The following PLCB1 variants were observed in gnomAD, a reference collection of about 807,000 sequenced individuals.
PLCB1 encodes the protein 1-phosphatidylinositol 4,5-bisphosphate phosphodiesterase beta-1.
Under a neutral mutation model 161.8 loss-of-function variants are expected in PLCB1, and 46 were observed. The ratio of observed to expected loss-of-function variants is 0.28; its 90% CI spans 0.22 to 0.36. PLCB1 has a LOEUF of 0.36. Among genes scored for constraint, PLCB1 ranks in the 10% least tolerant of loss-of-function variants. PLCB1 has a pLI of 1.00. For synonymous variants in PLCB1, 517 were observed against 503.7 expected (o/e 1.03, Z -0.35); for missense variants, 1,016 against 1,472.5 (o/e 0.69, Z 5.07).
chr20:8,341,142 C>A (rs779429863), intron 2 of PLCB1, among the ~76,000 whole-genome samples: 12 of 152,178 alleles, frequency 7.9e-5, no homozygotes, highest in Non-Finnish European at 1.2e-4. Context: ...CTTCCCCATG[C>A]CTTCACTCAC....
chr20:8,551,846 CT>C (rs1985786462), intron 3 of PLCB1, among the ~76,000 whole-genome samples: 1 of 152,102 alleles, frequency 6.6e-6, no homozygotes, highest in Non-Finnish European at 1.5e-5. Flanking sequence ...GAACTCTTGT[CT>C]CAGGCTTAAA....
intron 2 of PLCB1, among the ~76,000 whole-genome samples, chr20:8,186,640 C>A (rs995433723): frequency 6.6e-6 from 1 of 152,064 alleles, no homozygotes; most frequent in African/African-American, 2.4e-5. Context: ...CTCTATTTGC[C>A]TGTGATAAGT....
chr20:8,272,867 A>G (rs574045445), intron 2 of PLCB1, among the ~76,000 whole-genome samples: 13 of 152,274 alleles, frequency 8.5e-5, no homozygotes, highest in South Asian at 2.1e-4. Context: ...CAATCATGCA[A>G]TCATACAATC....
Position 8,882,031 on chromosome 20 carries a change from A to G in PLCB1, c.*182A>G, listed in dbSNP as rs1451787764. 3 of 590,618 alleles carry G rather than the reference A, an allele frequency of 5.1e-6. No homozygotes were observed. The highest frequency in any genetic ancestry group is 9.0e-6 in the Non-Finnish European group (3 of 332,774). The allele number at this position is 590,618 out of a possible 1,614,324, so 36.6% of individuals were successfully genotyped here. ...TTCCCATGCCCAGGCTCCATGTGTC[A>G]TGTGGAAACCTCCACAGGTCTGCTA... On this transcript the variant is annotated 3_prime_UTR_variant, in exon 32 of 32. Coordinates refer to ENST00000338037, the MANE Select transcript of PLCB1 (RefSeq NM_015192.4).
chr20:8,868,991 G>A (rs1363651149), intron 31 of PLCB1, among the ~76,000 whole-genome samples: 1 of 152,138 alleles, frequency 6.6e-6, no homozygotes, highest in Admixed American at 6.5e-5. Context: ...TTGGATGGTA[G>A]GCTTTAGTCT....
chr20:8,589,798 G>A (rs1242861951), intron 3 of PLCB1, among the ~76,000 whole-genome samples: 3 of 151,310 alleles, frequency 2.0e-5, no homozygotes, highest in Non-Finnish European at 4.4e-5. Context: ...TAATTTTTTT[G>A]TAAGGATGAG....
chr20:8,313,903 A>C (rs543655860), intron 2 of PLCB1, among the ~76,000 whole-genome samples: 1 of 152,266 alleles, frequency 6.6e-6, no homozygotes, highest in South Asian at 2.1e-4. Flanking sequence ...CTTTATAGTC[A>C]TGATTATTTT....
intron 26 of PLCB1, among the ~76,000 whole-genome samples, chr20:8,772,669 A>G (rs1259336625): frequency 6.6e-6 from 1 of 152,214 alleles, no homozygotes; most frequent in Non-Finnish European, 1.5e-5. Context: ...GCGGTGGCTC[A>G]TGCCTGTAAT....
intron 2 of PLCB1, among the ~76,000 whole-genome samples, chr20:8,155,760 A>T (rs1033953076): frequency 1.3e-5 from 2 of 152,220 alleles, no homozygotes; most frequent in Admixed American, 1.3e-4. Flanking sequence ...TCAAGAGTCC[A>T]CTGAGTGATT....
chr20:8,786,773 G>A (rs1203684108), intron 27 of PLCB1, among the ~76,000 whole-genome samples: 3 of 149,956 alleles, frequency 2.0e-5, no homozygotes, highest in African/African-American at 7.4e-5. Context: ...GTGCAATCTC[G>A]GCTCACTGCA....
intron 3 of PLCB1, among the ~76,000 whole-genome samples, chr20:8,498,120 A>G (rs1176963631): frequency 6.6e-6 from 1 of 152,154 alleles, no homozygotes; most frequent in Non-Finnish European, 1.5e-5. Flanking sequence ...TCTTTTTGAG[A>G]TAGAGTCTTG....
At chr20:8,237,134 T>G (rs1980368109) in intron 2 of PLCB1, among the ~76,000 whole-genome samples, 1 of 152,034 alleles carries the variant, frequency 6.6e-6, no homozygotes, top group Admixed American at 6.6e-5. Context: ...TCTAAGGAAA[T>G]TATAATGAAA....
At chr20:8,687,091 T>C (rs1271573105) in intron 10 of PLCB1, among the ~76,000 whole-genome samples, 2 of 152,004 alleles carry the variant, frequency 1.3e-5, no homozygotes, top group African/African-American at 4.8e-5. Context: ...AGTGGCATGA[T>C]GATAGCTCAC....
chr20:8,676,681 T>C (rs1990085120), intron 9 of PLCB1, among the ~76,000 whole-genome samples: 1 of 150,070 alleles, frequency 6.7e-6, no homozygotes, highest in East Asian at 2.0e-4. Context: ...TCTGCAGTGA[T>C]GCCTTACCAA....
intron 2 of PLCB1, among the ~76,000 whole-genome samples, chr20:8,237,941 A>G (rs1980410893): frequency 6.6e-6 from 1 of 152,162 alleles, no homozygotes; most frequent in Non-Finnish European, 1.5e-5. Context: ...GATTTAAGAT[A>G]TACAAGTTAA....
intron 3 of PLCB1, among the ~76,000 whole-genome samples, chr20:8,596,092 G>A (rs1245381041): frequency 5.9e-5 from 9 of 151,926 alleles, no homozygotes; most frequent in Admixed American, 1.3e-4. Flanking sequence ...CTGTGCAGAA[G>A]CTCTTTAGTT....
At chr20:8,243,455 G>C (rs1178937231) in intron 2 of PLCB1, among the ~76,000 whole-genome samples, 2 of 151,930 alleles carry the variant, frequency 1.3e-5, no homozygotes, top group Non-Finnish European at 2.9e-5. Flanking sequence ...TTCTTTTTGA[G>C]ACCCTGCCAG....
chr20:8,158,248 C>A (rs2051583718), intron 2 of PLCB1, among the ~76,000 whole-genome samples: 1 of 152,124 alleles, frequency 6.6e-6, no homozygotes, highest in South Asian at 2.1e-4. Flanking sequence ...GATATAATGC[C>A]ATGCTCTTTT....
chr20:8,527,315 T>G (rs1291967599), intron 3 of PLCB1, among the ~76,000 whole-genome samples: 1 of 152,120 alleles, frequency 6.6e-6, no homozygotes, highest in Admixed American at 6.6e-5. Context: ...GCTTCAGGTT[T>G]TCCCCATCAA....
Sources: gnomAD v4.1 joint callset for allele counts (sites outside exome capture counted in the v4.1 genomes callset) on GRCh38, gnomAD v4.1.1 for gene constraint, MANE v1.5 for transcripts, NCBI Gene and HGNC (gene_info 2026-07-23, HGNC 2026-07-21) for gene names.